DIAPH2: variants seen among roughly 807,000 people sequenced by gnomAD.
The protein encoded by DIAPH2 is protein diaphanous homolog 2.
In DIAPH2, 35 loss-of-function variants were observed where a neutral mutation model predicts 92.7. The ratio of observed to expected loss-of-function variants is 0.38; its 90% CI spans 0.29 to 0.50. The LOEUF is 0.50. Among genes scored for constraint, DIAPH2 ranks in the 20% least tolerant of loss-of-function variants. The probability of loss-of-function intolerance (pLI) is 0.94; values close to 1 mark genes in which losing one functional copy is unlikely to be tolerated. For missense variants in DIAPH2, 701 were observed against 819.5 expected, an observed-to-expected ratio of 0.86 and a Z score of 1.77; for synonymous variants, 301 against 280.4, an observed-to-expected ratio of 1.07 and a Z score of -0.73.
intron 26 of DIAPH2, among the ~76,000 whole-genome samples, chrX:97,556,648 C>A (rs1381661357): frequency 9.0e-6 from 1 of 111,593 alleles, no homozygotes; most frequent in Non-Finnish European, 1.9e-5. Flanking sequence ...ATCTCTCTCC[C>A]CTAATGACAC....
chrX:97,372,611 G>T (rs375211115), intron 24 of DIAPH2, among the ~76,000 whole-genome samples: 18 of 111,572 alleles, frequency 1.6e-4, no homozygotes, highest in African/African-American at 5.9e-4. Flanking sequence ...TAAACTCAAG[G>T]ACTTTTTGTA....
chrX:96,726,585 G>A (rs2147556177), intron 1 of DIAPH2, among the ~76,000 whole-genome samples: 1 of 111,856 alleles, frequency 8.9e-6, no homozygotes, highest in East Asian at 2.8e-4. Context: ...TGGAAAGGCC[G>A]AGACTGAAAA....
At chrX:96,892,397 A>G (rs1339185150) in intron 5 of DIAPH2, among the ~76,000 whole-genome samples, 1 of 112,005 alleles carries the variant, frequency 8.9e-6, no homozygotes, top group Non-Finnish European at 1.9e-5. Flanking sequence ...ATCATTTTAG[A>G]ATAGCACTAG....
intron 22 of DIAPH2, among the ~76,000 whole-genome samples, chrX:97,227,860 A>T (rs2067977536): frequency 8.9e-6 from 1 of 111,762 alleles, no homozygotes; most frequent in African/African-American, 3.2e-5. Flanking sequence ...GTTTTTAAAA[A>T]TCCAAGTTAT....
chrX:96,820,098 G>C (rs1245275200), intron 4 of DIAPH2, among the ~76,000 whole-genome samples: 1 of 112,284 alleles, frequency 8.9e-6, no homozygotes, highest in Non-Finnish European at 1.9e-5. Flanking sequence ...GGAGGCAGGA[G>C]GAAGAACTCT....
chrX:97,604,295 A>G lies in DIAPH2; in HGVS notation c.*4978A>G, dbSNP rs749804559. 7.1e-5 allele frequency: 8 copies of G among 112,082 alleles called. No individual in the cohort carries two copies. The South Asian group carries it at 2.7e-3, about 37-fold the overall frequency. 9.2% of individuals were successfully genotyped at this position (112,082 alleles called of 1,213,427 possible). A position where few individuals can be genotyped will look rare whatever the true frequency, so the allele number is the denominator to read the frequency against. ...TTAGGGCCCATCCAGATTACCCATG[A>G]TAATTCCCTTATTCCAAGATTCTTA... is the stretch of plus-strand genomic sequence containing the variant. On this transcript the variant is annotated 3_prime_UTR_variant, in exon 27 of 27. Coordinates refer to ENST00000324765, the MANE Select transcript of DIAPH2 (RefSeq NM_006729.5).
chrX:97,554,045 AC>A (rs1228202948), intron 26 of DIAPH2, among the ~76,000 whole-genome samples: 1 of 111,737 alleles, frequency 8.9e-6, no homozygotes, highest in Admixed American at 9.5e-5. Context: ...TAATATGTAT[AC>A]ATATTCACAT....
chrX:97,545,361 A>T (rs925247731), intron 26 of DIAPH2, among the ~76,000 whole-genome samples: 4 of 110,004 alleles, frequency 3.6e-5, no homozygotes, highest in African/African-American at 1.3e-4. Context: ...CTGAAAGTAG[A>T]GACATCATTT....
intron 17 of DIAPH2, among the ~76,000 whole-genome samples, chrX:97,024,615 A>G (rs1303397668): frequency 1.8e-5 from 2 of 112,259 alleles, no homozygotes; most frequent in East Asian, 2.8e-4. Flanking sequence ...TAGCTATACT[A>G]TAGTAGCAGA....
At chrX:96,798,326 T>C (rs902799775) in intron 4 of DIAPH2, among the ~76,000 whole-genome samples, 1 of 111,392 alleles carries the variant, frequency 9.0e-6, no homozygotes, top group Non-Finnish European at 1.9e-5. Flanking sequence ...GTGCTTCAGA[T>C]TGGTAGTTCT....
intron 4 of DIAPH2, among the ~76,000 whole-genome samples, chrX:96,874,890 G>C (rs2065168517): frequency 9.0e-6 from 1 of 111,617 alleles, no homozygotes. Flanking sequence ...ACTATGTTTA[G>C]AGTTTGTGTA....
At chrX:97,435,535 T>C (rs2070174030) in intron 26 of DIAPH2, among the ~76,000 whole-genome samples, 1 of 111,930 alleles carries the variant, frequency 8.9e-6, no homozygotes, top group Non-Finnish European at 1.9e-5. Context: ...CTATTCTTTC[T>C]AGCAGTTTGG....
chrX:96,859,610 CT>C (rs996588383), intron 4 of DIAPH2, among the ~76,000 whole-genome samples: 1 of 94,434 alleles, frequency 1.1e-5, no homozygotes, highest in African/African-American at 3.8e-5. Flanking sequence ...ATAATAGATT[CT>C]TATTTATTTA....
chrX:96,728,055 AAG>A (rs2064031888), intron 1 of DIAPH2, among the ~76,000 whole-genome samples: 1 of 38,466 alleles, frequency 2.6e-5, no homozygotes, highest in Non-Finnish European at 4.5e-5. Flanking sequence ...AAAAAAAAAA[AAG>A]AAAAAAAAAA....
rs1208514786 is a variant in DIAPH2, at chrX:97,075,256, A to G, written c.2242A>G (p.Ile748Val). 5 of 1,154,425 alleles carry G rather than the reference A, an allele frequency of 4.3e-6. No homozygotes were observed. Among genetic ancestry groups the G allele is most frequent in the Non-Finnish European group, 5.8e-6 (5 of 858,483 alleles). The change falls in exon 19 of 27, where the codon ATT becomes GTT. Residue 748 changes from isoleucine to valine, a missense_variant. Ile to Val is a conservative substitution (Grantham distance 29). Around this residue, in one of 3 missense-constraint regions of DIAPH2, gnomAD observed 536 missense variants for 599.3 expected, o/e 0.89. Coordinates refer to ENST00000324765, the MANE Select transcript of DIAPH2 (RefSeq NM_006729.5). The part of the protein sequence containing the change: ...VNEDMLSEAL[I>V]QNLVKHLPEQ... ...TGAAGACATGCTGAGTGAGGCTTTA[A>G]TTCAGGTAACTTGGATATTTTCCTT...
intron 5 of DIAPH2, among the ~76,000 whole-genome samples, chrX:96,910,847 T>C (rs2065464715): frequency 9.0e-6 from 1 of 111,212 alleles, no homozygotes; most frequent in African/African-American, 3.3e-5. Context: ...ATCATTATGA[T>C]TATGTCAAGC....
At chrX:97,451,521 G>A (rs1001642197) in intron 26 of DIAPH2, among the ~76,000 whole-genome samples, 2 of 111,297 alleles carry the variant, frequency 1.8e-5, no homozygotes, top group Non-Finnish European at 3.8e-5. Flanking sequence ...ACATGATGCC[G>A]AATTTAAGTT....
At chrX:97,004,159 A>G (rs984979327) in intron 17 of DIAPH2, among the ~76,000 whole-genome samples, 6 of 111,377 alleles carry the variant, frequency 5.4e-5, no homozygotes, top group Non-Finnish European at 1.1e-4. Context: ...GCCTGTTTTT[A>G]TGCCAGTACC....
At chrX:97,564,722 T>C (rs761618888) in intron 26 of DIAPH2, among the ~76,000 whole-genome samples, 1 of 111,776 alleles carries the variant, frequency 8.9e-6, no homozygotes, top group East Asian at 2.8e-4. Flanking sequence ...CTTTGAAGCA[T>C]TGCAGAAACA....
Sources: allele counts gnomAD v4.1 joint callset (sites outside exome capture counted in the v4.1 genomes callset), GRCh38; gene constraint gnomAD v4.1.1; regional missense constraint gnomAD v4.1.1; transcripts MANE v1.5; gene names NCBI Gene and HGNC (gene_info 2026-07-23, HGNC 2026-07-21).